Variants in PHACTR3 observed in about 807,000 individuals in gnomAD.
The protein encoded by PHACTR3 is protein phosphatase 1, regulatory subunit 123.
In PHACTR3, 16 loss-of-function variants were observed where a neutral mutation model predicts 66.8. The ratio of observed to expected loss-of-function variants is 0.24; its 90% CI spans 0.16 to 0.36. The LOEUF (loss-of-function observed/expected upper bound fraction) is 0.36, where lower values mean the gene tolerates loss of function less well. Ranked by LOEUF, PHACTR3 falls within the 10% of genes least tolerant of loss-of-function variation. The probability of loss-of-function intolerance (pLI) is 1.00; values close to 1 mark genes in which losing one functional copy is unlikely to be tolerated. For missense variants in PHACTR3, 647 were observed against 719.9 expected (o/e 0.90, Z 1.16); for synonymous variants, 323 against 292.1 (o/e 1.11, Z -1.08).
chr20:59,707,095 G>A (rs1360727636), intron 1 of PHACTR3, among the ~76,000 whole-genome samples: 1 of 152,246 alleles, frequency 6.6e-6, no homozygotes, highest in Non-Finnish European at 1.5e-5. Context: ...TCACCGAGCT[G>A]AAAAGCTAAG....
chr20:59,769,186 G>A (rs1259557360), intron 5 of PHACTR3, among the ~76,000 whole-genome samples: 2 of 152,198 alleles, frequency 1.3e-5, no homozygotes, highest in East Asian at 1.9e-4. Flanking sequence ...AGCACCATGC[G>A]CCCCATCTTC....
intron 1 of PHACTR3, among the ~76,000 whole-genome samples, chr20:59,709,090 A>G (rs1179957917): frequency 5.3e-5 from 8 of 152,208 alleles, no homozygotes. Flanking sequence ...GAGTATGAGC[A>G]GGTGTCTCAG....
intron 1 of PHACTR3, among the ~76,000 whole-genome samples, chr20:59,675,967 G>C (rs566447200): frequency 6.6e-6 from 1 of 152,212 alleles, no homozygotes; most frequent in African/African-American, 2.4e-5. Flanking sequence ...CGGAATAAAA[G>C]GTGCACCAAG....
intron 1 of PHACTR3, among the ~76,000 whole-genome samples, chr20:59,655,051 C>T (rs1568962783): frequency 6.6e-6 from 1 of 151,978 alleles, no homozygotes; most frequent in Non-Finnish European, 1.5e-5. Context: ...TGTACAAGTC[C>T]TTTTGCGGAT....
intron 5 of PHACTR3, 117 bp from the exon 6 acceptor site, chr20:59,773,162 G>C (rs1351360509): frequency 8.3e-7 from 1 of 1,198,596 alleles, no homozygotes; most frequent in African/African-American, 1.5e-5. Flanking sequence ...CATTAGTTGG[G>C]GCCCCTCCTG....
intron 1 of PHACTR3, among the ~76,000 whole-genome samples, chr20:59,590,435 G>A (rs1329306033): frequency 1.3e-5 from 2 of 152,154 alleles, no homozygotes; most frequent in South Asian, 2.1e-4. Context: ...CCTGGTTGCC[G>A]GTTTCAGTCC....
At chr20:59,815,712 C>T (rs1203575167) in intron 8 of PHACTR3, among the ~76,000 whole-genome samples, 1 of 152,194 alleles carries the variant, frequency 6.6e-6, no homozygotes, top group Non-Finnish European at 1.5e-5. Context: ...CGTAAGCCAC[C>T]ACGCCTGGCT....
chr20:59,607,154 G>T (rs1455190233), intron 1 of PHACTR3, among the ~76,000 whole-genome samples: 3 of 152,158 alleles, frequency 2.0e-5, no homozygotes, highest in Non-Finnish European at 4.4e-5. Flanking sequence ...AGTTCTTCCT[G>T]ATGTAGTGCA....
chr20:59,766,283 A>G (rs925061978), intron 4 of PHACTR3, among the ~76,000 whole-genome samples: 2 of 152,198 alleles, frequency 1.3e-5, no homozygotes, highest in Middle Eastern at 3.2e-3. Context: ...TTCTTCCTGA[A>G]GTGGACTCCG....
At chr20:59,754,886 G>C (rs2039728512) in intron 3 of PHACTR3, among the ~76,000 whole-genome samples, 1 of 152,252 alleles carries the variant, frequency 6.6e-6, no homozygotes, top group African/African-American at 2.4e-5. Flanking sequence ...AAGGTGCACG[G>C]CAGTGGGTGT....
intron 1 of PHACTR3, among the ~76,000 whole-genome samples, chr20:59,578,243 T>C (rs1276338058): frequency 6.6e-6 from 1 of 151,834 alleles, no homozygotes; most frequent in Non-Finnish European, 1.5e-5. Context: ...GGAAGAGGAG[T>C]TGAGGACGGG....
intron 4 of PHACTR3, among the ~76,000 whole-genome samples, chr20:59,760,997 G>A (rs570513186): frequency 2.6e-5 from 4 of 152,180 alleles, no homozygotes; most frequent in African/African-American, 9.6e-5. Flanking sequence ...CAAACCCAGT[G>A]GCAGGACTGG....
At chr20:59,638,342 A>G (rs1476912846) in intron 1 of PHACTR3, among the ~76,000 whole-genome samples, 7 of 152,166 alleles carry the variant, frequency 4.6e-5, no homozygotes, top group African/African-American at 1.7e-4. Flanking sequence ...TAGAGTCTCC[A>G]TAAGTGCTGG....
chr20:59,728,667 T>C (rs907313336), intron 1 of PHACTR3, among the ~76,000 whole-genome samples: 2 of 152,146 alleles, frequency 1.3e-5, no homozygotes, highest in Non-Finnish European at 2.9e-5. Context: ...TACCTGAGTC[T>C]GGAGACCATT....
Position 59,743,099 on chromosome 20 carries a change from T to C in PHACTR3, c.119-8T>C. The C allele has an allele frequency of 6.2e-7, 1 of 1,608,738 alleles. No homozygotes were observed. ...CACTTGAGGACCCCCTTGGTTTTCG[T>C]CTTCCAGATGAGATGGACCAAACGC... On this transcript the variant is annotated splice_polypyrimidine_tract_variant and splice_region_variant and intron_variant, in intron 1 of 12. Transcript: ENST00000371015.
At chr20:59,741,133 C>T (rs1568767425) in intron 1 of PHACTR3, among the ~76,000 whole-genome samples, 1 of 152,236 alleles carries the variant, frequency 6.6e-6, no homozygotes, top group Non-Finnish European at 1.5e-5. Flanking sequence ...CTTGTGTTAG[C>T]CACACCGTCC....
At chr20:59,708,720 C>T (rs945877562) in intron 1 of PHACTR3, among the ~76,000 whole-genome samples, 2 of 152,206 alleles carry the variant, frequency 1.3e-5, no homozygotes, top group Non-Finnish European at 1.5e-5. Flanking sequence ...ATCTTTACAT[C>T]GTGTTTGGAC....
chr20:59,690,114 A>AAACAG (rs1389459743), intron 1 of PHACTR3, among the ~76,000 whole-genome samples: 1 of 152,094 alleles, frequency 6.6e-6, no homozygotes, highest in African/African-American at 2.4e-5. Flanking sequence ...AAACAAAACA[A>AAACAG]AACACCCAAA....
At chr20:59,806,347 C>A (rs1169028126) in intron 8 of PHACTR3, among the ~76,000 whole-genome samples, 153 bp downstream of exon 8, 1 of 152,232 alleles carries the variant, frequency 6.6e-6, no homozygotes, top group Non-Finnish European at 1.5e-5. Flanking sequence ...ACGTTTGGGG[C>A]CGTGTGGAGG....
Sources: allele counts gnomAD v4.1 joint callset (sites outside exome capture counted in the v4.1 genomes callset), GRCh38; gene constraint gnomAD v4.1.1; transcripts MANE v1.5; gene names NCBI Gene and HGNC (gene_info 2026-07-23, HGNC 2026-07-21).